Variants in CLSTN2 observed in about 807,000 individuals in gnomAD.
CLSTN2 encodes the protein calsyntenin-2.
CLSTN2 carries 48 observed loss-of-function variants against 101.2 expected under a neutral mutation model. The observed-to-expected ratio is 0.47, with a 90% confidence interval of 0.38 to 0.60. The LOEUF (loss-of-function observed/expected upper bound fraction) is 0.60, where lower values mean the gene tolerates loss of function less well. CLSTN2 is among the 20% of genes least tolerant of loss of function. The probability of loss-of-function intolerance (pLI) is 0.00; values close to 1 mark genes in which losing one functional copy is unlikely to be tolerated. For missense variants in CLSTN2, 1,160 were observed against 1,238.2 expected (o/e 0.94, Z 0.95); for synonymous variants, 481 against 463.6 (o/e 1.04, Z -0.48).
At chr3:140,170,736 C>T (rs1307065497) in intron 1 of CLSTN2, among the ~76,000 whole-genome samples, 1 of 152,164 alleles carries the variant, frequency 6.6e-6, no homozygotes, top group Non-Finnish European at 1.5e-5. Flanking sequence ...CACTGCCCAG[C>T]AAGCAGGGTG....
intron 2 of CLSTN2, among the ~76,000 whole-genome samples, chr3:140,183,850 C>T (rs765931611): frequency 2.0e-5 from 3 of 152,190 alleles, no homozygotes; most frequent in African/African-American, 4.8e-5. Flanking sequence ...TAGGAGAGAC[C>T]GATGTTAAGT....
chr3:140,329,231 A>G (rs562434440), intron 2 of CLSTN2, among the ~76,000 whole-genome samples: 1 of 152,266 alleles, frequency 6.6e-6, no homozygotes, highest in Admixed American at 6.5e-5. Flanking sequence ...TACTGAAAAT[A>G]CAAAAAAGTT....
In CLSTN2 at chr3:140,459,540, T is replaced by C. The variant is rs1933504821; in HGVS notation, c.993T>C (p.Ile331=). 1 of 1,614,056 alleles carries C rather than the reference T, an allele frequency of 6.2e-7. No homozygotes were observed. Among genetic ancestry groups the C allele is most frequent in the Non-Finnish European group, 8.5e-7 (1 of 1,179,950 alleles). The stretch of plus-strand genomic sequence containing the variant: ...CTGCAGGAGCCTCCTCTGGCATCAT[T>C]GACCTCTTGCCATCCCCTAGCGCTG... ...QKLCGASSGI[I]DLLPSPSAAT... Residue 331 remains isoleucine (I), a synonymous_variant, in exon 7 of 17, where the codon ATT becomes ATC. Coordinates refer to ENST00000458420, the MANE Select transcript of CLSTN2 (RefSeq NM_022131.3).
intron 1 of CLSTN2, among the ~76,000 whole-genome samples, chr3:140,060,838 A>G (rs147634016): frequency 2.4e-3 from 369 of 152,200 alleles, no homozygotes; most frequent in Non-Finnish European, 3.9e-3. Flanking sequence ...TGGGTGTGCT[A>G]TTTCTTTTAT....
intron 1 of CLSTN2, among the ~76,000 whole-genome samples, chr3:139,938,031 T>C (rs111244699): frequency 0.029 from 4,400 of 151,974 alleles, 77 homozygotes; most frequent in Non-Finnish European, 0.034. Flanking sequence ...TTCCAAATCA[T>C]ATGATCTCTG....
chr3:139,938,417 G>A (rs988778740), intron 1 of CLSTN2, among the ~76,000 whole-genome samples: 2 of 152,146 alleles, frequency 1.3e-5, no homozygotes, highest in East Asian at 1.9e-4. Context: ...AGTTAATCCC[G>A]GACAACTACC....
intron 2 of CLSTN2, among the ~76,000 whole-genome samples, chr3:140,262,877 A>G (rs1405344361): frequency 2.6e-5 from 4 of 152,166 alleles, no homozygotes; most frequent in Admixed American, 6.6e-5. Context: ...GTAAGCCAGG[A>G]CCGGACCTCT....
intron 1 of CLSTN2, among the ~76,000 whole-genome samples, chr3:140,051,200 T>C (rs2107768359): frequency 6.6e-6 from 1 of 152,314 alleles, no homozygotes; most frequent in Non-Finnish European, 1.5e-5. Flanking sequence ...TCAAGGTCTT[T>C]GGTAGAACTG....
intron 1 of CLSTN2, among the ~76,000 whole-genome samples, chr3:140,154,590 C>T (rs1026415575): frequency 5.4e-5 from 8 of 148,188 alleles, no homozygotes; most frequent in Non-Finnish European, 7.4e-5. Context: ...GAAGAGGAAG[C>T]GAAACACGTC....
chr3:140,346,088 G>A (rs560939110), intron 2 of CLSTN2, among the ~76,000 whole-genome samples: 377 of 152,240 alleles, frequency 2.5e-3, no homozygotes, highest in Non-Finnish European at 4.3e-3. Context: ...TATGGCAGGG[G>A]GTGGCACAGC....
intron 2 of CLSTN2, among the ~76,000 whole-genome samples, chr3:140,296,563 C>T (rs920290768): frequency 2.6e-5 from 4 of 152,166 alleles, no homozygotes; most frequent in African/African-American, 9.7e-5. Flanking sequence ...CACACTTTCT[C>T]CTATTTTAAT....
intron 2 of CLSTN2, among the ~76,000 whole-genome samples, chr3:140,402,445 C>A (rs1337923189): frequency 1.3e-5 from 2 of 152,162 alleles, no homozygotes; most frequent in African/African-American, 4.8e-5. Flanking sequence ...ACTTGCCTTG[C>A]AGGTTTTTTA....
chr3:140,230,164 C>T (rs1244520022), intron 2 of CLSTN2, among the ~76,000 whole-genome samples: 1 of 151,900 alleles, frequency 6.6e-6, no homozygotes, highest in Non-Finnish European at 1.5e-5. Context: ...CAGGCCGCAG[C>T]AAGCAGGGGA....
At chr3:140,260,610 G>T (rs571545687) in intron 2 of CLSTN2, among the ~76,000 whole-genome samples, 1 of 152,154 alleles carries the variant, frequency 6.6e-6, no homozygotes, top group Admixed American at 6.5e-5. Context: ...CCCATATCCA[G>T]TTTTTTTATT....
At chr3:140,367,313 G>C (rs6795544) in intron 2 of CLSTN2, among the ~76,000 whole-genome samples, 56,648 of 151,808 alleles carry the variant, frequency 0.37, 12,353 homozygotes, top group Non-Finnish European at 0.5. Context: ...AAGAGATCGA[G>C]ACCATCGTGG....
At chr3:140,338,397 CT>C (rs1404061023) in intron 2 of CLSTN2, among the ~76,000 whole-genome samples, 1 of 152,202 alleles carries the variant, frequency 6.6e-6, no homozygotes, top group Non-Finnish European at 1.5e-5. Flanking sequence ...ACAAGGGCTT[CT>C]GTAAGTCGAC....
In CLSTN2 at chr3:140,566,065, C is replaced by G. The variant is rs1282158182; in HGVS notation, c.2680C>G (p.Pro894Ala). Residue 894 changes from proline to alanine, a missense_variant, in exon 17 of 17, where the codon CCA (proline) becomes GCA (alanine). Transcript: ENST00000458420. ...CCTTGATATCCAGAAACATGAAGGA[C>G]CAGGGCATGGGGAAGATGAGACTGA... ...TVNPMEKHEGPGHGEDETEGE... is the reference protein window; with the variant it reads ...TVNPMEKHEGAGHGEDETEGE... The G allele has an allele frequency of 6.2e-7, 1 of 1,613,668 alleles. No homozygotes were observed. The highest frequency in any genetic ancestry group is 2.2e-5 in the East Asian group (1 of 44,860).
At chr3:140,274,957 C>T (rs1420659384) in intron 2 of CLSTN2, among the ~76,000 whole-genome samples, 1 of 152,180 alleles carries the variant, frequency 6.6e-6, no homozygotes, top group Non-Finnish European at 1.5e-5. Context: ...GTGTTCATCA[C>T]CTAGTCTCTT....
chr3:140,507,282 A>G (rs1015815168), intron 8 of CLSTN2: 3 of 152,234 alleles, frequency 2.0e-5, no homozygotes, highest in African/African-American at 7.2e-5. Context: ...TACTAGTGTT[A>G]TCATTTCTGT....
Sources: gnomAD v4.1 joint callset for allele counts (sites outside exome capture counted in the v4.1 genomes callset) on GRCh38, gnomAD v4.1.1 for gene constraint, MANE v1.5 for transcripts, NCBI Gene and HGNC (gene_info 2026-07-23, HGNC 2026-07-21) for gene names.